The following DPP10 variants were observed in gnomAD, a reference collection of about 807,000 sequenced individuals.
The protein encoded by DPP10 is inactive dipeptidyl peptidase 10.
Under a neutral mutation model 120.9 loss-of-function variants are expected in DPP10, and 33 were observed. That is an observed-to-expected ratio of 0.27 (90% CI 0.21 to 0.37). The LOEUF is 0.37. DPP10 is among the 10% of genes least tolerant of loss of function. The pLI is 1.00. For missense variants in DPP10, 816 were observed against 942.8 expected, an observed-to-expected ratio of 0.87 and a Z score of 1.76; for synonymous variants, 337 against 326.1, an observed-to-expected ratio of 1.03 and a Z score of -0.36.
chr2:115,281,708 A>G (rs1422698697), intron 1 of DPP10, among the ~76,000 whole-genome samples: 1 of 152,194 alleles, frequency 6.6e-6, no homozygotes, highest in African/African-American at 2.4e-5. Context: ...AGTTGAATGA[A>G]TGTTTTAATC....
At chr2:114,686,647 T>G (rs2105743261) in intron 1 of DPP10, among the ~76,000 whole-genome samples, 1 of 152,042 alleles carries the variant, frequency 6.6e-6, no homozygotes, top group South Asian at 2.1e-4. Flanking sequence ...GTGGCTAACA[T>G]TAGACTCATC....
At chr2:115,279,405 T>C (rs2060049098) in intron 1 of DPP10, among the ~76,000 whole-genome samples, 1 of 152,156 alleles carries the variant, frequency 6.6e-6, no homozygotes, top group Admixed American at 6.5e-5. Context: ...ATGTTACCAC[T>C]CAAAATGCCT....
At chr2:114,563,872 A>G (rs1688966667) in intron 1 of DPP10, among the ~76,000 whole-genome samples, 1 of 152,188 alleles carries the variant, frequency 6.6e-6, no homozygotes, top group Non-Finnish European at 1.5e-5. Flanking sequence ...TCCAACTGAC[A>G]TTACACCATC....
rs907132897 is a variant in DPP10 at position 115,587,044 on chromosome 2, C to G, written c.441+61072C>G. On this transcript the variant is annotated intron_variant, in intron 5 of 25. Transcript: ENST00000410059. The stretch of plus-strand genomic sequence containing the variant: ...TTGTTTTATAACTGAAAGTTTATAA[C>G]CTTTGACCAACATTGTCCTTTTTTC... Among the ~76,000 whole-genome samples the G allele has an allele frequency of 7.0e-4, 106 of 151,188 alleles. 1 individual carries two copies. Among genetic ancestry groups the G allele is most frequent in the Middle Eastern group, 3.4e-3 (1 of 292 alleles).
chr2:115,508,240 A>T (rs1404241749), intron 4 of DPP10, among the ~76,000 whole-genome samples: 1 of 152,146 alleles, frequency 6.6e-6, no homozygotes, highest in African/African-American at 2.4e-5. Context: ...TGGGGCTTAA[A>T]ATATATTATA....
At chr2:115,183,011 G>GCACA (rs34612528) in intron 1 of DPP10, among the ~76,000 whole-genome samples, 16 of 150,292 alleles carry the variant, frequency 1.1e-4, no homozygotes, top group African/African-American at 3.9e-4. Context: ...ATATTTACAC[G>GCACA]CACACACACA....
intron 1 of DPP10, among the ~76,000 whole-genome samples, chr2:114,958,728 T>C: frequency 6.6e-6 from 1 of 152,216 alleles, no homozygotes; most frequent in East Asian, 1.9e-4. Flanking sequence ...CTTTTGACTT[T>C]AAATATTGGT....
At chr2:114,660,174 G>A (rs956061332) in intron 1 of DPP10, among the ~76,000 whole-genome samples, 1 of 152,188 alleles carries the variant, frequency 6.6e-6, no homozygotes, top group African/African-American at 2.4e-5. Flanking sequence ...GAAGGAAATA[G>A]GTGGGCTATA....
chr2:115,545,821 G>A (rs955391274), intron 5 of DPP10, among the ~76,000 whole-genome samples: 3 of 151,966 alleles, frequency 2.0e-5, no homozygotes, highest in Admixed American at 6.6e-5. Flanking sequence ...GTTTTTATAT[G>A]GCACCTCCAG....
In DPP10 at chr2:115,018,339, C is replaced by G. The variant is rs932200345; in HGVS notation, c.61-290900C>G. 4.6e-5 allele frequency among the ~76,000 whole-genome samples: 7 copies of G among 152,154 alleles called. No individual in the cohort carries two copies. The East Asian group carries it at 1.4e-3, about 30-fold the overall frequency. ...TCTAGAACAAGAAATACCATTTGAC[C>G]CAGCAATCCCATTACTGGGTATATA... On this transcript the variant is annotated intron_variant, in intron 1 of 25. Transcript: ENST00000410059.
intron 1 of DPP10, among the ~76,000 whole-genome samples, chr2:114,709,685 A>G (rs939498799): frequency 1.3e-5 from 2 of 152,200 alleles, no homozygotes; most frequent in Admixed American, 6.5e-5. Flanking sequence ...ATTATTAGAA[A>G]AGGGATGGAG....
At chr2:115,006,159 G>A (rs541855287) in intron 1 of DPP10, among the ~76,000 whole-genome samples, 2 of 152,008 alleles carry the variant, frequency 1.3e-5, no homozygotes, top group East Asian at 3.9e-4. Flanking sequence ...TTACAGACAA[G>A]CAAATGCTGA....
intron 1 of DPP10, among the ~76,000 whole-genome samples, chr2:115,263,905 CAT>C (rs775274534): frequency 2.0e-5 from 3 of 152,000 alleles, no homozygotes; most frequent in Non-Finnish European, 2.9e-5. Context: ...CACACACACA[CAT>C]ACTCATTATT....
chr2:115,613,670 A>T (rs536392289), intron 5 of DPP10, among the ~76,000 whole-genome samples: 1 of 152,286 alleles, frequency 6.6e-6, no homozygotes, highest in African/African-American at 2.4e-5. Flanking sequence ...TACTGCTAAG[A>T]TATATTTATT....
chr2:114,977,858 T>G (rs1221806934), intron 1 of DPP10, among the ~76,000 whole-genome samples: 1 of 152,108 alleles, frequency 6.6e-6, no homozygotes, highest in East Asian at 1.9e-4. Flanking sequence ...TCTTTTTTTT[T>G]TTTGATTGCC....
rs193044008 is a variant in DPP10, at chr2:114,723,437, T to C, written c.60+280599T>C. 1.5e-4 allele frequency among the ~76,000 whole-genome samples: 23 copies of C among 152,342 alleles called. No homozygotes were observed. In the East Asian group the frequency reaches 4.4e-3, roughly 29 times the overall value. On this transcript the variant is annotated intron_variant, in intron 1 of 25. Coordinates refer to ENST00000410059, the MANE Select transcript of DPP10 (RefSeq NM_020868.6). The stretch of plus-strand genomic sequence containing the variant: ...AAGACAAACTATATTAACTTCTCTT[T>C]GTGGACCAAGGTTAGGCAAGACTTC...
At chr2:115,615,209 A>G (rs2084400283) in intron 5 of DPP10, among the ~76,000 whole-genome samples, 1 of 152,144 alleles carries the variant, frequency 6.6e-6, no homozygotes, top group Admixed American at 6.5e-5. Flanking sequence ...GCACTCTCCT[A>G]CTGCTTAGTT....
chr2:114,977,944 T>C (rs1509739), intron 1 of DPP10, among the ~76,000 whole-genome samples: 21,868 of 152,076 alleles, frequency 0.14, 2,116 homozygotes, highest in South Asian at 0.22. Flanking sequence ...CTTTTTTGGT[T>C]TGCAAATTTG....
intron 5 of DPP10, among the ~76,000 whole-genome samples, chr2:115,593,978 G>T (rs2082837874): frequency 6.6e-6 from 1 of 152,100 alleles, no homozygotes; most frequent in Non-Finnish European, 1.5e-5. Context: ...TTATGAAGTG[G>T]GTAAATTCCT....
Sources: allele counts gnomAD v4.1 joint callset (sites outside exome capture counted in the v4.1 genomes callset), GRCh38; gene constraint gnomAD v4.1.1; transcripts MANE v1.5; gene names NCBI Gene and HGNC (gene_info 2026-07-23, HGNC 2026-07-21).